The following NFS1 variants were observed in gnomAD, a reference collection of about 807,000 sequenced individuals.
The protein encoded by NFS1 is cysteine desulfurase.
In NFS1, 26 loss-of-function variants were observed where a neutral mutation model predicts 57.3. The observed-to-expected ratio is 0.45, with a 90% confidence interval of 0.33 to 0.63. NFS1 has a LOEUF of 0.63. NFS1 is among the 20% of genes least tolerant of loss of function. The pLI is 0.02. For missense variants in NFS1, 505 were observed against 605.8 expected, an observed-to-expected ratio of 0.83 and a Z score of 1.75; for synonymous variants, 209 against 216.3, an observed-to-expected ratio of 0.97 and a Z score of 0.30.
chr20:35,682,827 C>A (rs2034872097), intron 5 of NFS1: 1 of 153,932 alleles, frequency 6.5e-6, no homozygotes, highest in Admixed American at 6.6e-5. Flanking sequence ...GCCTGTAATC[C>A]CAGCACTTTG....
intron 5 of NFS1, among the ~76,000 whole-genome samples, chr20:35,685,371 A>G (rs2034920542): frequency 6.6e-6 from 1 of 151,538 alleles, no homozygotes; most frequent in East Asian, 1.9e-4. Flanking sequence ...ATAAATAAAT[A>G]TATAGCCAGG....
chr20:35,675,334 TAAGGAA>T, intron 7 of NFS1, 132 bp from the exon 8 acceptor site: 2 of 977,456 alleles, frequency 2.0e-6, no homozygotes, highest in South Asian at 3.6e-5. Flanking sequence ...TAAAAAACGT[TAAGGAA>T]AAGAAGAAAC....
intron 7 of NFS1, among the ~76,000 whole-genome samples, chr20:35,680,212 G>A (rs542671599): frequency 3.7e-4 from 57 of 152,306 alleles, no homozygotes; most frequent in African/African-American, 1.3e-3. Context: ...GGCTGAGGCA[G>A]AAGAATGGCG....
At chr20:35,693,349 C>T (rs1013384849) in intron 4 of NFS1, among the ~76,000 whole-genome samples, 3 of 152,060 alleles carry the variant, frequency 2.0e-5, no homozygotes, top group African/African-American at 4.8e-5. Context: ...CTGCCTGCCT[C>T]GGCCTCCCAA....
At chr20:35,685,859 C>T (rs1473967095) in intron 5 of NFS1, among the ~76,000 whole-genome samples, 23 of 144,190 alleles carry the variant, frequency 1.6e-4, no homozygotes, top group Non-Finnish European at 2.7e-4. Context: ...ATTCAGTACC[C>T]CCCCGCAAAA....
intron 4 of NFS1, among the ~76,000 whole-genome samples, chr20:35,693,388 G>T (rs2035077047): frequency 6.6e-6 from 1 of 151,840 alleles, no homozygotes; most frequent in Admixed American, 6.6e-5. Context: ...TTGACCCACT[G>T]CACCCGGCCT....
rs1343894542 is a variant in NFS1, at chr20:35,680,939, AC to A, written c.656-69del. The A allele has an allele frequency of 3.1e-6, 4 of 1,287,636 alleles. No individual in the cohort carries two copies. The African/African-American group carries it at 5.1e-5, about 16-fold the overall frequency. The allele number at this position is 1,287,636 out of a possible 1,614,324, so 79.8% of individuals were successfully genotyped here. Reference sequence around the variant, plus strand: ...GTCATCTGTCAGAGTCCCACAGTGCACTGTGAATTATCTCCAATAGTAAATG... The same window carrying A: ...GTCATCTGTCAGAGTCCCACAGTGCATGTGAATTATCTCCAATAGTAAATG... On this transcript the variant is annotated intron_variant, in intron 6 of 12. Coordinates refer to ENST00000374092, the MANE Select transcript of NFS1 (RefSeq NM_021100.5).
At chr20:35,698,908 A>G in intron 1 of NFS1, 1 of 1,311,404 alleles carries the variant, frequency 7.6e-7, no homozygotes, top group Middle Eastern at 2.9e-4. Flanking sequence ...ACCGAAGGTA[A>G]CGGTCTGCAC....
At position 35,680,825 on chromosome 20, in the gene NFS1, G is replaced by A. The variant is rs1185543582; in HGVS notation, c.702C>T (p.Ala234=). 1 of 1,580,838 alleles carries A rather than the reference G, an allele frequency of 6.3e-7. No homozygotes were observed. Residue 234 remains alanine, a synonymous_variant, in exon 7 of 13, where the codon GCC becomes GCT. Coordinates refer to ENST00000374092, the MANE Select transcript of NFS1 (RefSeq NM_021100.5). ...CAAGTGGGATTTTTCCAACAGCCTG[G>A]GCTGCATCAGTATGGAAATATACCT... is the stretch of plus-strand genomic sequence containing the variant. ...SRKVYFHTDA[A]QAVGKIPLDV...
intron 5 of NFS1, 23 bp downstream of exon 5, chr20:35,690,390 C>G (rs1290241494): frequency 1.9e-6 from 3 of 1,602,990 alleles, no homozygotes; most frequent in Non-Finnish European, 2.5e-6. Context: ...ATTTTTGCTC[C>G]TCCTGCCAAT....
intron 7 of NFS1, among the ~76,000 whole-genome samples, chr20:35,680,448 A>G (rs747653937): frequency 1.3e-5 from 2 of 152,244 alleles, no homozygotes; most frequent in Non-Finnish European, 1.5e-5. Context: ...CTATCTAGAT[A>G]AATTTGATTT....
chr20:35,674,884 A>G (rs1240428122), intron 8 of NFS1, 161 bp downstream of exon 8: 1 of 936,678 alleles, frequency 1.1e-6, no homozygotes, highest in East Asian at 2.4e-5. Context: ...GAAGCCCATA[A>G]TGTCTCCCTC....
In NFS1 at chr20:35,693,854, C is replaced by A. The variant is rs2035085206; in HGVS notation, c.408+2523G>T. Among the ~76,000 whole-genome samples, 3 of 151,882 alleles carry A rather than the reference C, an allele frequency of 2.0e-5. No individual in the cohort carries two copies. In the South Asian group the frequency reaches 6.2e-4, roughly 31 times the overall value. On this transcript the variant is annotated intron_variant, in intron 4 of 12. Coordinates refer to ENST00000374092, the MANE Select transcript of NFS1 (RefSeq NM_021100.5). ...GTGGGAGCCTGTAGTCCTACCTACT[C>A]AGGAGGCTGAGGCAGGAGAATGGCG... is the stretch of plus-strand genomic sequence containing the variant.
chr20:35,682,234 A>G (rs924986269), intron 5 of NFS1, among the ~76,000 whole-genome samples: 2 of 152,232 alleles, frequency 1.3e-5, no homozygotes, highest in Non-Finnish European at 2.9e-5. Flanking sequence ...CATCAAACTA[A>G]ACATGAAATT....
chr20:35,678,647 G>A (rs184291902), intron 7 of NFS1, among the ~76,000 whole-genome samples: 7 of 151,576 alleles, frequency 4.6e-5, no homozygotes, highest in Admixed American at 2.0e-4. Flanking sequence ...AGGTTGCAGC[G>A]AGCCGAGATC....
rs573429025 is a variant in NFS1, at chr20:35,699,071, T to C, written c.97+121A>G. The C allele has an allele frequency of 2.8e-4, 376 of 1,321,984 alleles. No individual in the cohort carries two copies. The African/African-American group carries it at 4.9e-3, about 17-fold the overall frequency. 81.9% of individuals were successfully genotyped at this position (1,321,984 alleles called of 1,614,324 possible). A position where few individuals can be genotyped will look rare whatever the true frequency, so the allele number is the denominator to read the frequency against. On this transcript the variant is annotated intron_variant, in intron 1 of 12. Coordinates refer to ENST00000374092, the MANE Select transcript of NFS1 (RefSeq NM_021100.5). The surrounding 1 kb of genome is among the most constrained non-coding windows in gnomAD (Gnocchi z 4.4). The stretch of plus-strand genomic sequence containing the variant: ...TAAGAAAGTTTGAGGGATGTGTCAT[T>C]TGAGAGAAGGGTCAGAGGGTCTGGG...
Position 35,681,952 on chromosome 20 carries a change from A to G in NFS1, c.591T>C (p.Thr197=), listed in dbSNP as rs1432022599. 6.2e-7 allele frequency: 1 copy of G among 1,612,046 alleles called. No individual in the cohort carries two copies. Among genetic ancestry groups the G allele is most frequent in the South Asian group, 1.1e-5 (1 of 91,048 alleles). Residue 197 remains threonine (T), a synonymous_variant, in exon 6 of 13, where the codon ACT becomes ACC. Transcript: ENST00000374092. ...KELEAAIQPD[T]SLVSVMTVNN... is the part of the protein sequence containing the mutation. ...TCACAGTCATGACTGACACCAGGCT[A>G]GTATCTGGCTGGATAGCAGCCTCTA... is the stretch of plus-strand genomic sequence containing the variant.
At position 35,698,554 on chromosome 20, in the gene NFS1, T is replaced by A; in HGVS notation, c.134A>T (p.Asp45Val). The A allele has an allele frequency of 6.2e-7, 1 of 1,613,754 alleles. No individual in the cohort carries two copies. Among genetic ancestry groups the A allele is most frequent in the Admixed American group, 1.7e-5 (1 of 59,848 alleles). ...DRAPQSAVPA[D>V]TAAAPEVGPV... ...CCCCACCTCCGGGGCAGCGGCTGTA[T>A]CTGCGGGAACCGCAGACTGAGGAGC... is the stretch of plus-strand genomic sequence containing the variant. The change falls in exon 2 of 13, where the codon GAT becomes GTT. Residue 45 changes from aspartate to valine, a missense_variant. Coordinates refer to ENST00000374092, the MANE Select transcript of NFS1 (RefSeq NM_021100.5).
rs2035199413 is a variant in NFS1, at chr20:35,699,183, C to A, written c.97+9G>T. On this transcript the variant is annotated intron_variant, in intron 1 of 12. Coordinates refer to ENST00000374092, the MANE Select transcript of NFS1 (RefSeq NM_021100.5). This position sits in a 1 kb window ranked among gnomAD's most constrained non-coding sequence, Gnocchi z 4.4. The stretch of plus-strand genomic sequence containing the variant: ...TCCGCGCCTCCCGGAGAGCGGGACC[C>A]GAGCGTACCGCGCAGGCGCAGCCCC... The A allele has an allele frequency of 2.1e-6, 3 of 1,400,476 alleles. No individual in the cohort carries two copies. The highest frequency in any genetic ancestry group is 1.6e-5 in the South Asian group (1 of 63,688). The allele number at this position is 1,400,476 out of a possible 1,614,324, so 86.8% of individuals were successfully genotyped here. A position where few individuals can be genotyped will look rare whatever the true frequency, so the allele number is the denominator to read the frequency against.
Sources: gnomAD v4.1 joint callset for allele counts (sites outside exome capture counted in the v4.1 genomes callset) on GRCh38, gnomAD v4.1.1 for gene constraint, Gnocchi (gnomAD v3.1) non-coding constraint, MANE v1.5 for transcripts, NCBI Gene and HGNC (gene_info 2026-07-23, HGNC 2026-07-21) for gene names.